ABTB3: variants seen among roughly 807,000 people sequenced by gnomAD.
The protein encoded by ABTB3 is ankyrin repeat- and BTB/POZ domain-containing protein 3.
At chr12:107,392,015 A>G in the ABTB3 span, among the ~76,000 whole-genome samples, 6 of 152,206 alleles carry the variant, frequency 3.9e-5, no homozygotes, top group African/African-American at 1.2e-4. Context: ...GTCGAAGGCA[A>G]GTTACTTACT....
At chr12:107,469,936 T>TC in the ABTB3 span, among the ~76,000 whole-genome samples, 3 of 61,528 alleles carry the variant, frequency 4.9e-5, no homozygotes, top group African/African-American at 2.3e-4. Context: ...CTCTCTCTCT[T>TC]TCTTTCTCTT....
chr12:107,338,667 C>T, the ABTB3 span, among the ~76,000 whole-genome samples: 1 of 152,178 alleles, frequency 6.6e-6, no homozygotes, highest in South Asian at 2.1e-4. Context: ...CATAATCCCC[C>T]AACTCTTGGA....
At chr12:107,468,037 A>T in the ABTB3 span, among the ~76,000 whole-genome samples, 1 of 152,136 alleles carries the variant, frequency 6.6e-6, no homozygotes, top group Non-Finnish European at 1.5e-5. Flanking sequence ...GGCTTGAAAG[A>T]TTCTTAGACT....
chr12:107,574,712 G>T, the ABTB3 span, among the ~76,000 whole-genome samples: 2 of 152,160 alleles, frequency 1.3e-5, no homozygotes, highest in South Asian at 4.2e-4. Flanking sequence ...CTATAAAAAA[G>T]AAAAAGAAAG....
the ABTB3 span, among the ~76,000 whole-genome samples, chr12:107,591,475 C>A: frequency 6.6e-6 from 1 of 152,112 alleles, no homozygotes; most frequent in East Asian, 1.9e-4. Flanking sequence ...TACACACTTT[C>A]AAACAACCAG....
At chr12:107,522,376 A>G in the ABTB3 span, among the ~76,000 whole-genome samples, 1 of 152,130 alleles carries the variant, frequency 6.6e-6, no homozygotes, top group Non-Finnish European at 1.5e-5. Context: ...TAATAGGTTT[A>G]TTGAGATATA....
the ABTB3 span, among the ~76,000 whole-genome samples, chr12:107,565,298 A>AT: frequency 9.2e-4 from 138 of 150,192 alleles, no homozygotes; most frequent in Non-Finnish European, 1.3e-3. Context: ...TTGTTCGCTG[A>AT]TTTTTTTTTT....
the ABTB3 span, among the ~76,000 whole-genome samples, chr12:107,528,778 A>T: frequency 6.6e-6 from 1 of 152,090 alleles, no homozygotes; most frequent in African/African-American, 2.4e-5. Context: ...GCCGTTGGTG[A>T]TGATGGTGGC....
the ABTB3 span, among the ~76,000 whole-genome samples, chr12:107,388,274 T>C: frequency 6.6e-6 from 1 of 150,662 alleles, no homozygotes; most frequent in Non-Finnish European, 1.5e-5. Context: ...ACCCGGCCCT[T>C]CTTCTTTCTT....
the ABTB3 span, among the ~76,000 whole-genome samples, chr12:107,483,394 G>T: frequency 6.6e-6 from 1 of 152,132 alleles, no homozygotes; most frequent in South Asian, 2.1e-4. Context: ...TATTGGGGGA[G>T]TGGGTCCCAC....
At chr12:107,618,169 G>T in the ABTB3 span, 3 of 1,613,802 alleles carry the variant, frequency 1.9e-6, no homozygotes, top group Non-Finnish European at 2.5e-6. Context: ...AATGTGTTCC[G>T]CAAACTGCTC....
chr12:107,483,775 C>G, the ABTB3 span, among the ~76,000 whole-genome samples: 107 of 152,276 alleles, frequency 7.0e-4, no homozygotes, highest in Non-Finnish European at 1.4e-3. Flanking sequence ...CAGCCTCAAA[C>G]TCCTGGGTTC....
At chr12:107,636,388 C>G in the ABTB3 span, among the ~76,000 whole-genome samples, 1 of 152,100 alleles carries the variant, frequency 6.6e-6, no homozygotes, top group South Asian at 2.1e-4. Flanking sequence ...ATTCTTTTTC[C>G]CTAGATAGGT....
At chr12:107,493,367 G>C in the ABTB3 span, among the ~76,000 whole-genome samples, 14 of 152,174 alleles carry the variant, frequency 9.2e-5, no homozygotes, top group Admixed American at 4.6e-4. Context: ...GTGCAAATCA[G>C]GCCCAGGCAT....
chr12:107,415,694 C>T, the ABTB3 span, among the ~76,000 whole-genome samples: 8 of 150,752 alleles, frequency 5.3e-5, no homozygotes, highest in South Asian at 2.1e-4. Context: ...GGTGACAGAG[C>T]GAGACTCTGT....
At chr12:107,378,137 T>C in the ABTB3 span, among the ~76,000 whole-genome samples, 4 of 152,206 alleles carry the variant, frequency 2.6e-5, no homozygotes, top group Non-Finnish European at 4.4e-5. Flanking sequence ...ATTAGATGAT[T>C]CAGCTGTGGT....
At chr12:107,631,120 A>G in the ABTB3 span, among the ~76,000 whole-genome samples, 1 of 152,038 alleles carries the variant, frequency 6.6e-6, no homozygotes, top group African/African-American at 2.4e-5. Context: ...CCTCTTTTGG[A>G]TCCCCATTGT....
the ABTB3 span, among the ~76,000 whole-genome samples, chr12:107,352,855 G>A: frequency 6.6e-6 from 1 of 152,152 alleles, no homozygotes; most frequent in Non-Finnish European, 1.5e-5. Context: ...TACTGAGGAT[G>A]CCACTGGCCT....
At chr12:107,401,477 C>A in the ABTB3 span, among the ~76,000 whole-genome samples, 1 of 152,214 alleles carries the variant, frequency 6.6e-6, no homozygotes, top group Non-Finnish European at 1.5e-5. Context: ...ACCAGGAACA[C>A]CCCATCACAG....
Sources: allele counts gnomAD v4.1 joint callset (sites outside exome capture counted in the v4.1 genomes callset), GRCh38; gene constraint gnomAD v4.1.1; transcripts MANE v1.5; gene names NCBI Gene and HGNC (gene_info 2026-07-23, HGNC 2026-07-21).